The following GREB1 variants were observed in gnomAD, a reference collection of about 807,000 sequenced individuals.
The protein encoded by GREB1 is growth regulating estrogen receptor binding 1, also known as protein GREB1.
GREB1 carries 106 observed loss-of-function variants against 200.7 expected under a neutral mutation model. That is an observed-to-expected ratio of 0.53 (90% CI 0.45 to 0.62). The LOEUF is 0.62. GREB1 is among the 20% of genes least tolerant of loss of function. The pLI is 0.00. For synonymous variants in GREB1, 1,132 were observed against 1,092.4 expected, an observed-to-expected ratio of 1.04 and a Z score of -0.72; for missense variants, 2,243 against 2,556.8, an observed-to-expected ratio of 0.88 and a Z score of 2.65.
intron 30 of GREB1, among the ~76,000 whole-genome samples, chr2:11,636,609 C>T (rs1413558559): frequency 6.6e-6 from 1 of 152,220 alleles, no homozygotes; most frequent in East Asian, 1.9e-4. Context: ...TCGGGAGAAG[C>T]ACCACAAAGG....
At chr2:11,587,741 A>ACACACACACACACACGCACACACGCGCG in intron 9 of GREB1, 1 of 786,924 alleles carries the variant, frequency 1.3e-6, no homozygotes, top group Non-Finnish European at 1.6e-6. Flanking sequence ...ACACACACAC[A>ACACACACACACACACGCACACACGCGCG]CGCCACCTTT....
intron 1 of GREB1, among the ~76,000 whole-genome samples, chr2:11,526,283 T>C (rs1673872973): frequency 6.6e-6 from 1 of 152,154 alleles, no homozygotes; most frequent in African/African-American, 2.4e-5. Flanking sequence ...ACTAGTCCTC[T>C]TAGAGGAGAA....
intron 26 of GREB1, among the ~76,000 whole-genome samples, 173 bp from the exon 27 acceptor site, chr2:11,631,736 C>A (rs1306368778): frequency 6.6e-6 from 1 of 152,194 alleles, no homozygotes; most frequent in East Asian, 1.9e-4. Context: ...AGGACTGGCA[C>A]AAGGCCATTT....
chr2:11,514,640 G>T (rs1673436835), intron 1 of GREB1, among the ~76,000 whole-genome samples: 1 of 152,246 alleles, frequency 6.6e-6, no homozygotes, highest in Non-Finnish European at 1.5e-5. Context: ...CCAAAGGAAT[G>T]CCACTGCAGG....
At chr2:11,498,614 C>T (rs1558484224) in intron 1 of GREB1, among the ~76,000 whole-genome samples, 1 of 152,166 alleles carries the variant, frequency 6.6e-6, no homozygotes, top group Admixed American at 6.5e-5. Context: ...CAGGGGACAG[C>T]CAAGCTGGCC....
chr2:11,598,662 A>G lies in GREB1; in HGVS notation c.2153-18A>G, dbSNP rs776534737. ...TGCGCATGTTTGCAGTTACTGATGT[A>G]TGTTCTTTGTGTTGCAGGGGTTTTG... is the stretch of plus-strand genomic sequence containing the variant. On this transcript the variant is annotated intron_variant, in intron 14 of 32. Transcript: ENST00000381486. The G allele has an allele frequency of 5.6e-6, 9 of 1,612,396 alleles. No individual in the cohort carries two copies. The highest frequency in any genetic ancestry group is 4.0e-5 in the African/African-American group (3 of 74,864).
At chr2:11,624,100 T>C (rs995371260) in intron 23 of GREB1, among the ~76,000 whole-genome samples, 4 of 152,152 alleles carry the variant, frequency 2.6e-5, no homozygotes, top group Non-Finnish European at 4.4e-5. Flanking sequence ...AACTTATTAA[T>C]GAAGAAAGAA....
Position 11,640,717 on chromosome 2 carries a change from C to G in GREB1, c.*263C>G, listed in dbSNP as rs866757445. ...CTGGGCTGTTTTAAAGCCCATTTCA[C>G]GAGGAACAAAGATTTACTTCCTGTC... On this transcript the variant is annotated 3_prime_UTR_variant, in exon 33 of 33. Transcript: ENST00000381486. The surrounding 1 kb of genome is among the most constrained non-coding windows in gnomAD (Gnocchi z 4.6). The G allele has an allele frequency of 2.3e-6, 1 of 432,054 alleles. No individual in the cohort carries two copies. The highest frequency in any genetic ancestry group is 2.1e-5 in the African/African-American group (1 of 48,356). The allele number at this position is 432,054 out of a possible 1,614,324, so 26.8% of individuals were successfully genotyped here.
At chr2:11,515,196 C>T (rs755701814) in intron 1 of GREB1, among the ~76,000 whole-genome samples, 3 of 150,850 alleles carry the variant, frequency 2.0e-5, no homozygotes, top group South Asian at 2.1e-4. Flanking sequence ...CGTTCATGCA[C>T]GCACCCACTC....
chr2:11,616,684 G>A lies in GREB1; in HGVS notation c.3376G>A (p.Asp1126Asn), dbSNP rs780914505. 3.7e-5 allele frequency: 60 copies of A among 1,612,960 alleles called. No individual in the cohort carries two copies. The South Asian group carries it at 3.8e-4, about 10-fold the overall frequency. Residue 1126 changes from aspartate to asparagine, a missense_variant, in exon 21 of 33, where the codon GAC (aspartate) becomes AAC (asparagine). Asp to Asn is a conservative substitution (Grantham distance 23). Transcript: ENST00000381486. ...PMKRERSRSH[D>N]SASSSLSSKA... ...GAAAAGGGAGAGGTCCCGCTCCCACGACTCAGCATCCTCATCCCTCTCCTC... is the reference window on the plus strand; with the variant it reads ...GAAAAGGGAGAGGTCCCGCTCCCACAACTCAGCATCCTCATCCCTCTCCTC...
rs370494033 is a variant in GREB1, at chr2:11,522,632, C to T, written c.-158-33825C>T. Among the ~76,000 whole-genome samples the T allele has an allele frequency of 4.6e-5, 7 of 152,238 alleles. No homozygotes were observed. In the South Asian group the frequency reaches 8.3e-4, roughly 18 times the overall value. The stretch of plus-strand genomic sequence containing the variant: ...CACCCGTGGCAGGTGTGGTTCAACT[C>T]CTACTTTAGGGAGTTCAAGTCCAAG... On this transcript the variant is annotated intron_variant, in intron 1 of 2. Coordinates refer to the GREB1 transcript ENST00000628795.
intron 17 of GREB1, among the ~76,000 whole-genome samples, chr2:11,603,850 C>T (rs922238373): frequency 1.3e-5 from 2 of 152,190 alleles, no homozygotes; most frequent in Non-Finnish European, 2.9e-5. Context: ...ATATTTATTA[C>T]CTAAAATAAT....
rs371382331 is a variant in GREB1, at chr2:11,625,928, G to A, written c.4306+616G>A. Among the ~76,000 whole-genome samples the A allele has an allele frequency of 1.4e-4, 21 of 152,256 alleles. No homozygotes were observed. The East Asian group carries it at 1.7e-3, about 13-fold the overall frequency. ...AATCGTGGTGGAAGGTGAAAGGCAC[G>A]TCTTATATAGCAGCAGGCAAGAGAG... On this transcript the variant is annotated intron_variant, in intron 24 of 32. Coordinates refer to ENST00000381486, the MANE Select transcript of GREB1 (RefSeq NM_014668.4).
chr2:11,485,070 G>T (rs956139678), intron 1 of GREB1, among the ~76,000 whole-genome samples: 2 of 152,026 alleles, frequency 1.3e-5, no homozygotes, highest in South Asian at 2.1e-4. Flanking sequence ...CTCGTGATCT[G>T]CCCGCCTCGG....
intron 1 of GREB1, among the ~76,000 whole-genome samples, chr2:11,508,865 CTT>C (rs1404496521): frequency 6.7e-6 from 1 of 148,550 alleles, no homozygotes; most frequent in Non-Finnish European, 1.5e-5. Context: ...CCAAATTTTT[CTT>C]TCTCTCTTTT....
chr2:11,569,753 C>T (rs1380205915), intron 4 of GREB1, among the ~76,000 whole-genome samples: 1 of 152,214 alleles, frequency 6.6e-6, no homozygotes, highest in Admixed American at 6.5e-5. Flanking sequence ...GAGGGTCTGG[C>T]CCTGGTGCCC....
At chr2:11,571,773 C>T (rs1277913006) in intron 4 of GREB1, among the ~76,000 whole-genome samples, 8 of 152,020 alleles carry the variant, frequency 5.3e-5, no homozygotes, top group South Asian at 4.2e-4. Context: ...TGCAGTGGCG[C>T]GATGTCGGCT....
At chr2:11,506,265 G>A (rs958356119) in intron 1 of GREB1, among the ~76,000 whole-genome samples, 3 of 152,178 alleles carry the variant, frequency 2.0e-5, no homozygotes, top group Admixed American at 6.5e-5. Context: ...CTTGAGAAGC[G>A]TGGTTTGGTA....
chr2:11,589,012 G>T, intron 10 of GREB1, 81 bp downstream of exon 10: 1 of 1,026,430 alleles, frequency 9.7e-7, no homozygotes, highest in Non-Finnish European at 1.5e-6. Context: ...CCTCGTGGGG[G>T]CTGACTTGGG....
Sources: allele counts gnomAD v4.1 joint callset (sites outside exome capture counted in the v4.1 genomes callset), GRCh38; gene constraint gnomAD v4.1.1; non-coding constraint Gnocchi (gnomAD v3.1); transcripts MANE v1.5; gene names NCBI Gene and HGNC (gene_info 2026-07-23, HGNC 2026-07-21).